Variants in CTNNA3 observed in about 807,000 individuals in gnomAD.
The protein encoded by CTNNA3 is catenin alpha-3.
A neutral mutation model predicts 95.7 loss-of-function variants in CTNNA3; 76 were observed. The observed-to-expected ratio is 0.79, with a 90% confidence interval of 0.66 to 0.96. The LOEUF (loss-of-function observed/expected upper bound fraction) is 0.96. CTNNA3 is among the 40% of genes least tolerant of loss of function. The probability of loss-of-function intolerance (pLI) is 0.00; values close to 1 mark genes in which losing one functional copy is unlikely to be tolerated. For synonymous variants in CTNNA3, 431 were observed against 374.4 expected (o/e 1.15, Z -1.74); for missense variants, 1,191 against 1,089.8 (o/e 1.09, Z -1.31).
intron 5 of CTNNA3, among the ~76,000 whole-genome samples, chr10:67,414,100 T>C (rs996708268): frequency 2.0e-5 from 3 of 152,006 alleles, no homozygotes; most frequent in East Asian, 1.9e-4. Context: ...AAGATCTTAA[T>C]GAAATTGAGA....
intron 13 of CTNNA3, among the ~76,000 whole-genome samples, chr10:66,234,370 G>T (rs889090093): frequency 6.6e-6 from 1 of 152,068 alleles, no homozygotes; most frequent in Non-Finnish European, 1.5e-5. Context: ...TAGAGTTGAA[G>T]ATACACACAT....
chr10:66,290,672 T>C (rs540533070), intron 12 of CTNNA3, among the ~76,000 whole-genome samples: 1 of 152,284 alleles, frequency 6.6e-6, no homozygotes, highest in East Asian at 1.9e-4. Context: ...GTTAAAGTAC[T>C]AGAGTTTTGA....
chr10:67,329,093 T>G (rs989499133), intron 5 of CTNNA3, among the ~76,000 whole-genome samples: 1 of 152,210 alleles, frequency 6.6e-6, no homozygotes, highest in African/African-American at 2.4e-5. Context: ...GCAAATGGGC[T>G]GGGTGCAAGG....
chr10:67,705,211 A>T (rs923032134), intron 1 of CTNNA3, among the ~76,000 whole-genome samples: 10 of 152,030 alleles, frequency 6.6e-5, no homozygotes, highest in East Asian at 1.9e-4. Context: ...ATTGTGGAAG[A>T]CAGTGTGGCG....
chr10:66,822,196 A>G (rs2132294680), intron 7 of CTNNA3, among the ~76,000 whole-genome samples: 1 of 151,438 alleles, frequency 6.6e-6, no homozygotes, highest in African/African-American at 2.4e-5. Context: ...ATAAATAATT[A>G]TAGCATCATG....
intron 2 of CTNNA3, among the ~76,000 whole-genome samples, chr10:67,615,838 T>C (rs1279651528): frequency 3.3e-5 from 5 of 151,866 alleles, no homozygotes; most frequent in African/African-American, 7.3e-5. Context: ...AATTTTTGTG[T>C]TTTTAGTAGA....
At chr10:67,080,951 AAAG>A (rs1857032203) in intron 7 of CTNNA3, among the ~76,000 whole-genome samples, 1 of 150,648 alleles carries the variant, frequency 6.6e-6, no homozygotes, top group Non-Finnish European at 1.5e-5. Flanking sequence ...AAAAAAAAAC[AAAG>A]AAGAGGTGAA....
chr10:66,708,362 G>A (rs750217537), intron 9 of CTNNA3, among the ~76,000 whole-genome samples: 16 of 151,962 alleles, frequency 1.1e-4, no homozygotes, highest in South Asian at 2.1e-4. Flanking sequence ...CTTTGCTTGC[G>A]GGTGGCGGCC....
At chr10:66,438,040 A>C (rs1484222992) in intron 11 of CTNNA3, among the ~76,000 whole-genome samples, 1 of 152,142 alleles carries the variant, frequency 6.6e-6, no homozygotes, top group Non-Finnish European at 1.5e-5. Context: ...GCAGAACAGC[A>C]AAGAGTGCTG....
chr10:67,167,129 C>T, intron 7 of CTNNA3, among the ~76,000 whole-genome samples: 1 of 151,380 alleles, frequency 6.6e-6, no homozygotes, highest in African/African-American at 2.4e-5. Context: ...AAAAAAAAGG[C>T]AACAATTTTT....
chr10:67,511,782 C>G (rs1178366039), intron 5 of CTNNA3, among the ~76,000 whole-genome samples: 1 of 152,182 alleles, frequency 6.6e-6, no homozygotes, highest in African/African-American at 2.4e-5. Flanking sequence ...ACCAGCTCCT[C>G]TTTGTACCTC....
chr10:67,561,204 C>G (rs1245564185), intron 3 of CTNNA3, among the ~76,000 whole-genome samples: 1 of 142,328 alleles, frequency 7.0e-6, no homozygotes, highest in Admixed American at 6.8e-5. Context: ...AGCACCACAT[C>G]GCACTTATTA....
chr10:66,735,108 A>T (rs1236322548), intron 9 of CTNNA3, among the ~76,000 whole-genome samples: 1 of 151,740 alleles, frequency 6.6e-6, no homozygotes, highest in Non-Finnish European at 1.5e-5. Context: ...GGCAACAGTG[A>T]AAGTTTTCTA....
rs201527460 is a variant in CTNNA3, at chr10:66,520,806, T to C, written c.1375-33A>G. ...GATAAGGATTGAAAAAATTACCTATTGGTTGCAATGTTCACTATTTGGGTG... is the reference window on the plus strand; with the variant it reads ...GATAAGGATTGAAAAAATTACCTATCGGTTGCAATGTTCACTATTTGGGTG... On this transcript the variant is annotated intron_variant, in intron 10 of 17. Transcript: ENST00000433211. 18 of 1,574,572 alleles carry C rather than the reference T, an allele frequency of 1.1e-5. No individual in the cohort carries two copies. In the East Asian group the frequency reaches 3.6e-4, roughly 32 times the overall value.
At chr10:67,231,996 A>G (rs1179783858) in intron 5 of CTNNA3, among the ~76,000 whole-genome samples, 1 of 152,208 alleles carries the variant, frequency 6.6e-6, no homozygotes, top group African/African-American at 2.4e-5. Context: ...AGCCTCCAAG[A>G]AATATGGGAC....
chr10:65,932,840 T>C lies in CTNNA3; in HGVS notation c.2401-12223A>G, dbSNP rs573074051. ...GAACTTTGTCCCCACTTGGTTTTTC[T>C]GAATGGTGCTCCCCAGCTTCTCTTG... On this transcript the variant is annotated intron_variant, in intron 17 of 17. Transcript: ENST00000433211. Among the ~76,000 whole-genome samples, 47 of 152,290 alleles carry C rather than the reference T, an allele frequency of 3.1e-4. No homozygotes were observed. The South Asian group carries it at 9.1e-3, about 30-fold the overall frequency.
At chr10:67,189,010 G>A (rs1017417789) in intron 6 of CTNNA3, among the ~76,000 whole-genome samples, 4 of 151,942 alleles carry the variant, frequency 2.6e-5, no homozygotes, top group African/African-American at 4.8e-5. Context: ...CCAGCTACTC[G>A]GGAGACTGAG....
chr10:65,945,801 G>C (rs2077507778), intron 17 of CTNNA3, among the ~76,000 whole-genome samples: 1 of 152,130 alleles, frequency 6.6e-6, no homozygotes, highest in Admixed American at 6.5e-5. Context: ...ACATATTTAA[G>C]GGATGTAAAA....
rs75222007 is a variant in CTNNA3, at chr10:65,915,074, G to T, written c.*5256C>A. ...GAGGGCAAGGATCACTATTTGTTTTGTTATATGGTGTATCCTAAGAACCTA... is the reference window on the plus strand; with the variant it reads ...GAGGGCAAGGATCACTATTTGTTTTTTTATATGGTGTATCCTAAGAACCTA... On this transcript the variant is annotated 3_prime_UTR_variant, in exon 18 of 18. Transcript: ENST00000433211. 1 of 152,088 alleles carries T rather than the reference G, an allele frequency of 6.6e-6. No individual in the cohort carries two copies. The highest frequency in any genetic ancestry group is 1.9e-4 in the East Asian group (1 of 5,152). 9.4% of individuals were successfully genotyped at this position (152,088 alleles called of 1,614,324 possible). A position where few individuals can be genotyped will look rare whatever the true frequency, so the allele number is the denominator to read the frequency against.
Sources: gnomAD v4.1 joint callset for allele counts (sites outside exome capture counted in the v4.1 genomes callset) on GRCh38, gnomAD v4.1.1 for gene constraint, MANE v1.5 for transcripts, NCBI Gene and HGNC (gene_info 2026-07-23, HGNC 2026-07-21) for gene names.